The following ANO6 variants were observed in gnomAD, a reference collection of about 807,000 sequenced individuals.
ANO6 encodes the protein anoctamin 6, also known as anoctamin-6.
Under a neutral mutation model 117.5 loss-of-function variants are expected in ANO6, and 106 were observed. That is an observed-to-expected ratio of 0.90 (90% CI 0.77 to 1.06). The LOEUF (loss-of-function observed/expected upper bound fraction) is 1.06, where lower values mean the gene tolerates loss of function less well. ANO6 is among the 50% of genes least tolerant of loss of function. ANO6 has a pLI of 0.00. For synonymous variants in ANO6, 367 were observed against 385.1 expected (o/e 0.95, Z 0.55); for missense variants, 955 against 1,121.1 (o/e 0.85, Z 2.12).
At chr12:45,298,476 G>T (rs748406859) in intron 1 of ANO6, among the ~76,000 whole-genome samples, 22 of 152,160 alleles carry the variant, frequency 1.4e-4, no homozygotes, top group Non-Finnish European at 2.6e-4. Context: ...TACCATAAAT[G>T]AGAATATCAA....
In ANO6 at chr12:45,348,562, T is replaced by C. The variant is rs1456213181; in HGVS notation, c.678T>C (p.Asn226=). ...GGGTCAAGTATCAAGTGATAAACAATGTTAGCAAGTTTGGGATCAACAGAC... is the reference window on the plus strand; with the variant it reads ...GGGTCAAGTATCAAGTGATAAACAACGTTAGCAAGTTTGGGATCAACAGAC... ...LSRVKYQVIN[N]VSKFGINRLV... Residue 226 remains asparagine, a synonymous_variant, in exon 6 of 20, where the codon AAT becomes AAC. Transcript: ENST00000320560. 3.1e-6 allele frequency: 5 copies of C among 1,614,056 alleles called. No homozygotes were observed. The highest frequency in any genetic ancestry group is 1.1e-5 in the South Asian group (1 of 91,088).
chr12:45,431,670 C>T lies in ANO6; in HGVS notation c.*2359C>T, dbSNP rs17095911. ...TCCACAGTGTTTGTTAGTGAGTCCA[C>T]GGCTGACTTGCAGTGATAAAGAAAA... On this transcript the variant is annotated 3_prime_UTR_variant, in exon 20 of 20. Coordinates refer to ENST00000320560, the MANE Select transcript of ANO6 (RefSeq NM_001025356.3). 11,877 of 985,344 alleles carry T rather than the reference C, an allele frequency of 0.012. 168 individuals carry two copies. The highest frequency in any genetic ancestry group is 0.094 in the East Asian group (831 of 8,802). The allele number at this position is 985,344 out of a possible 1,614,324, so 61.0% of individuals were successfully genotyped here.
chr12:45,317,543 C>A (rs1169605981), intron 2 of ANO6, among the ~76,000 whole-genome samples: 3 of 151,630 alleles, frequency 2.0e-5, no homozygotes, highest in Non-Finnish European at 2.9e-5. Flanking sequence ...TGGGTTGGTT[C>A]CAAGTCTTTG....
At chr12:45,317,683 T>C (rs1377334525) in intron 2 of ANO6, among the ~76,000 whole-genome samples, 1 of 152,174 alleles carries the variant, frequency 6.6e-6, no homozygotes, top group African/African-American at 2.4e-5. Context: ...TCTAGATCCC[T>C]GAGGAATCGC....
chr12:45,386,095 C>G (rs2137569416), intron 10 of ANO6, among the ~76,000 whole-genome samples: 1 of 152,296 alleles, frequency 6.6e-6, no homozygotes, highest in East Asian at 1.9e-4. Context: ...AACAACTATG[C>G]TCAGGCCCCA....
chr12:45,417,599 T>C (rs139333642), intron 17 of ANO6, among the ~76,000 whole-genome samples: 10 of 152,336 alleles, frequency 6.6e-5, no homozygotes, highest in African/African-American at 1.9e-4. Flanking sequence ...GTCATTTTTA[T>C]GTACAGGCAC....
chr12:45,379,830 G>T (rs1186141672), intron 10 of ANO6, among the ~76,000 whole-genome samples: 2 of 152,124 alleles, frequency 1.3e-5, no homozygotes, highest in African/African-American at 4.8e-5. Flanking sequence ...TCTGATTTTT[G>T]AATGCAGAAA....
In ANO6 at chr12:45,416,706, G is replaced by C; in HGVS notation, c.2019G>C (p.Gln673His). ...TGTCCATTCCATTGACAGTTATTCA[G>C]TTTGGGTTCGTCACCTTATTTGTGG... is the stretch of plus-strand genomic sequence containing the variant. The part of the protein sequence containing the change: ...LFYEYLEMII[Q>H]FGFVTLFVAS... Residue 673 changes from glutamine to histidine, a missense_variant, in exon 17 of 20, where the codon CAG (glutamine) becomes CAC (histidine). Gln to His is a conservative substitution (Grantham distance 24). Transcript: ENST00000320560. 2 of 1,613,962 alleles carry C rather than the reference G, an allele frequency of 1.2e-6. No homozygotes were observed. Among genetic ancestry groups the C allele is most frequent in the African/African-American group, 2.7e-5 (2 of 75,008 alleles).
chr12:45,324,906 C>T (rs1327691346), intron 2 of ANO6, among the ~76,000 whole-genome samples: 2 of 152,168 alleles, frequency 1.3e-5, no homozygotes, highest in African/African-American at 4.8e-5. Flanking sequence ...TTGACACAGT[C>T]ACATGTGACA....
Position 45,402,032 on chromosome 12 carries a change from C to CTA in ANO6, c.1612+15_1612+16dup. ...GATTACTAACTTCGGTAAGGTCCTA[C>CTA]TATAGCTTAGGTAACTTCTGACATA... On this transcript the variant is annotated intron_variant, in intron 13 of 19. Transcript: ENST00000320560. 2 of 1,605,318 alleles carry CTA rather than the reference C, an allele frequency of 1.2e-6. No homozygotes were observed. The highest frequency in any genetic ancestry group is 1.7e-6 in the Non-Finnish European group (2 of 1,172,930).
chr12:45,225,053 T>TGG (rs1947460514), intron 1 of ANO6, among the ~76,000 whole-genome samples: 2 of 152,106 alleles, frequency 1.3e-5, no homozygotes, highest in Admixed American at 6.5e-5. Context: ...CAGTTGGGCA[T>TGG]GGCACATGCC....
chr12:45,257,912 T>C (rs764919935), intron 1 of ANO6, among the ~76,000 whole-genome samples: 4 of 152,196 alleles, frequency 2.6e-5, no homozygotes, highest in African/African-American at 7.2e-5. Flanking sequence ...GGGAAAACAA[T>C]ATAGTAATGG....
chr12:45,274,402 A>C (rs1362856084), intron 1 of ANO6, among the ~76,000 whole-genome samples: 2 of 151,994 alleles, frequency 1.3e-5, no homozygotes, highest in African/African-American at 4.8e-5. Flanking sequence ...CCACCTAGTC[A>C]CTCAGGCCCC....
intron 1 of ANO6, among the ~76,000 whole-genome samples, chr12:45,273,027 T>A (rs1399721): frequency 0.79 from 119,461 of 152,130 alleles, 49,810 homozygotes; most frequent in Non-Finnish European, 0.94. Context: ...ACCTGGGAGA[T>A]GTTATGCTAA....
intron 10 of ANO6, among the ~76,000 whole-genome samples, chr12:45,385,660 C>G (rs574027579): frequency 6.6e-6 from 1 of 152,062 alleles, no homozygotes; most frequent in Non-Finnish European, 1.5e-5. Flanking sequence ...GACATGGTGC[C>G]CTCTAGATTT....
In ANO6 at chr12:45,403,607, G is replaced by A. The variant is rs1209973597; in HGVS notation, c.1880+71G>A. 3.1e-6 allele frequency: 4 copies of A among 1,287,162 alleles called. No homozygotes were observed. The African/African-American group carries it at 6.2e-5, about 20-fold the overall frequency. The allele number at this position is 1,287,162 out of a possible 1,614,324, so 79.7% of individuals were successfully genotyped here. On this transcript the variant is annotated intron_variant, in intron 15 of 19. Transcript: ENST00000320560. ...AACAGCCCATCCACACAAATCATTT[G>A]CCTACATAGCCACATAGCCACATAG...
intron 1 of ANO6, among the ~76,000 whole-genome samples, chr12:45,222,435 G>A (rs575285184): frequency 6.6e-6 from 1 of 152,192 alleles, no homozygotes; most frequent in South Asian, 2.1e-4. Flanking sequence ...TGCTGAGCAG[G>A]CGTGAGCCAC....
chr12:45,307,812 G>A (rs1939717534), intron 2 of ANO6, among the ~76,000 whole-genome samples: 1 of 152,068 alleles, frequency 6.6e-6, no homozygotes, highest in South Asian at 2.1e-4. Flanking sequence ...GGAAAGTGAA[G>A]AGTCTTGGAA....
At chr12:45,374,091 T>A (rs1299926099) in intron 9 of ANO6, among the ~76,000 whole-genome samples, 1 of 149,712 alleles carries the variant, frequency 6.7e-6, no homozygotes. Flanking sequence ...GCAAATAAAC[T>A]AGAAAATCTA....
Sources: gnomAD v4.1 joint callset for allele counts (sites outside exome capture counted in the v4.1 genomes callset) on GRCh38, gnomAD v4.1.1 for gene constraint, MANE v1.5 for transcripts, NCBI Gene and HGNC (gene_info 2026-07-23, HGNC 2026-07-21) for gene names.